The following SH3GL2 variants were observed in gnomAD, a reference collection of about 807,000 sequenced individuals.
SH3GL2 encodes the protein endophilin-A1.
SH3GL2 carries 24 observed loss-of-function variants against 46.0 expected under a neutral mutation model. That is an observed-to-expected ratio of 0.52 (90% CI 0.38 to 0.73). The LOEUF is 0.73. SH3GL2 is among the 30% of genes least tolerant of loss of function. The pLI, the probability that SH3GL2 is intolerant of heterozygous loss-of-function variation, is 0.00. For missense variants in SH3GL2, 413 were observed against 424.2 expected (o/e 0.97, Z 0.23); for synonymous variants, 196 against 147.1 (o/e 1.33, Z -2.40).
chr9:17,622,981 C>CTTTTG (rs1563786407), intron 1 of SH3GL2, among the ~76,000 whole-genome samples: 1 of 79,552 alleles, frequency 1.3e-5, no homozygotes, highest in Admixed American at 1.2e-4. Context: ...CTTTCGTTTC[C>CTTTTG]TTTCGTTTCC....
Position 17,653,816 on chromosome 9 carries a change from A to G in SH3GL2, c.45+74529A>G, listed in dbSNP as rs1043422166. 5.3e-6 allele frequency: 5 copies of G among 940,468 alleles called. No homozygotes were observed. In the African/African-American group the frequency reaches 8.9e-5, roughly 17 times the overall value. 58.3% of individuals were successfully genotyped at this position (940,468 alleles called of 1,614,324 possible). On this transcript the variant is annotated intron_variant, in intron 1 of 8. Transcript: ENST00000380607. Reference sequence around the variant, plus strand: ...TGGCTGAATTGGGCTAGTCTTATCAAAGAAGAAGACAGATACTGCCTTGGT... The same window carrying G: ...TGGCTGAATTGGGCTAGTCTTATCAGAGAAGAAGACAGATACTGCCTTGGT...
At chr9:17,662,306 T>C in intron 1 of SH3GL2, among the ~76,000 whole-genome samples, 1 of 152,188 alleles carries the variant, frequency 6.6e-6, no homozygotes, top group East Asian at 1.9e-4. Context: ...TCTGGCCTTG[T>C]GTGACCCAGA....
At chr9:17,718,633 T>C (rs1821819711) in intron 1 of SH3GL2, among the ~76,000 whole-genome samples, 4 of 152,062 alleles carry the variant, frequency 2.6e-5, no homozygotes, top group Non-Finnish European at 5.9e-5. Flanking sequence ...GGGGCTGAGA[T>C]GGAAGGATCA....
At chr9:17,743,522 C>T (rs1340312741) in intron 1 of SH3GL2, among the ~76,000 whole-genome samples, 1 of 151,346 alleles carries the variant, frequency 6.6e-6, no homozygotes, top group Non-Finnish European at 1.5e-5. Context: ...TTGAGGCACT[C>T]CTCCCTCCTT....
chr9:17,657,988 G>A (rs764076191), intron 1 of SH3GL2, among the ~76,000 whole-genome samples: 2 of 152,186 alleles, frequency 1.3e-5, no homozygotes, highest in Non-Finnish European at 2.9e-5. Context: ...TTGTTGGACA[G>A]TTGTTGTAGA....
At chr9:17,763,366 T>G (rs1248880204) in intron 3 of SH3GL2, among the ~76,000 whole-genome samples, 1 of 152,158 alleles carries the variant, frequency 6.6e-6, no homozygotes, top group Non-Finnish European at 1.5e-5. Flanking sequence ...ATGTAAGTAG[T>G]GATGTAGGAT....
chr9:17,645,311 T>G (rs1819788144), intron 1 of SH3GL2, among the ~76,000 whole-genome samples: 2 of 152,032 alleles, frequency 1.3e-5, no homozygotes, highest in Non-Finnish European at 2.9e-5. Flanking sequence ...CCGATGGGTC[T>G]TGAATCTTTA....
At chr9:17,734,816 TG>T (rs1466627226) in intron 1 of SH3GL2, among the ~76,000 whole-genome samples, 4 of 152,096 alleles carry the variant, frequency 2.6e-5, no homozygotes, top group Admixed American at 6.6e-5. Flanking sequence ...GGAAGGAGCC[TG>T]GGCAGTGAAG....
chr9:17,700,221 G>T (rs1821314406), intron 1 of SH3GL2, among the ~76,000 whole-genome samples: 1 of 152,140 alleles, frequency 6.6e-6, no homozygotes, highest in Non-Finnish European at 1.5e-5. Flanking sequence ...AATTGGTCAT[G>T]TTGACCCACT....
chr9:17,713,473 G>T (rs2118289889), intron 1 of SH3GL2, among the ~76,000 whole-genome samples: 1 of 150,872 alleles, frequency 6.6e-6, no homozygotes. Context: ...TTCCTTTTCA[G>T]TTTGTTAAGG....
intron 1 of SH3GL2, among the ~76,000 whole-genome samples, chr9:17,720,426 T>C (rs1357170153): frequency 1.3e-5 from 2 of 152,034 alleles, no homozygotes; most frequent in East Asian, 1.9e-4. Flanking sequence ...TTGAGGAAGA[T>C]TTATGAACAG....
chr9:17,791,457 G>C (rs1298450283), intron 7 of SH3GL2, 123 bp downstream of exon 7: 1 of 688,474 alleles, frequency 1.5e-6, no homozygotes, highest in Non-Finnish European at 2.6e-6. Context: ...TTATCCTACA[G>C]AGGCGCCTTG....
chr9:17,611,996 G>A (rs1490850300), intron 1 of SH3GL2, among the ~76,000 whole-genome samples: 3 of 152,200 alleles, frequency 2.0e-5, no homozygotes, highest in African/African-American at 7.2e-5. Flanking sequence ...ACTTTGTGAA[G>A]TCAGTAGCTA....
intron 3 of SH3GL2, among the ~76,000 whole-genome samples, chr9:17,765,675 G>C (rs113190330): frequency 2.0e-5 from 3 of 152,252 alleles, no homozygotes; most frequent in South Asian, 2.1e-4. Flanking sequence ...CGGGTCCAGC[G>C]TAAAGGTCAC....
Position 17,579,212 on chromosome 9 carries a change from C to T in SH3GL2, c.-31C>T, listed in dbSNP as rs1453974449. Reference sequence around the variant, plus strand: ...GTCCCCCTCCGCCTCCTCCCTCCCGCACAGCAGCCGCCAGCGCGGCCTCCT... The same window carrying T: ...GTCCCCCTCCGCCTCCTCCCTCCCGTACAGCAGCCGCCAGCGCGGCCTCCT... On this transcript the variant is annotated 5_prime_UTR_variant, in exon 1 of 9. Coordinates refer to ENST00000380607, the MANE Select transcript of SH3GL2 (RefSeq NM_003026.5). 6 of 1,524,120 alleles carry T rather than the reference C, an allele frequency of 3.9e-6. No homozygotes were observed. In the South Asian group the frequency reaches 4.8e-5, roughly 12 times the overall value. 94.4% of individuals were successfully genotyped at this position (1,524,120 alleles called of 1,614,324 possible). A position where few individuals can be genotyped will look rare whatever the true frequency, so the allele number is the denominator to read the frequency against.
rs373628313 is a variant in SH3GL2 at position 17,785,186 on chromosome 9, C to T, written c.188-1195C>T. 9.1e-4 allele frequency among the ~76,000 whole-genome samples: 138 copies of T among 152,306 alleles called. 1 individual carries two copies. The highest frequency in any genetic ancestry group is 2.5e-3 in the African/African-American group (106 of 41,574). Reference sequence around the variant, plus strand: ...GATACTTCCCTCCAGGAATCCTTTGCGATGCCCCTCCCCAACTGATGAGGA... The same window carrying T: ...GATACTTCCCTCCAGGAATCCTTTGTGATGCCCCTCCCCAACTGATGAGGA... On this transcript the variant is annotated intron_variant, in intron 3 of 8. Coordinates refer to ENST00000380607, the MANE Select transcript of SH3GL2 (RefSeq NM_003026.5).
intron 1 of SH3GL2, among the ~76,000 whole-genome samples, chr9:17,701,671 A>G (rs576311980): frequency 2.6e-5 from 4 of 152,200 alleles, no homozygotes; most frequent in African/African-American, 7.2e-5. Context: ...ACAGCCACCA[A>G]TTAGAAGATA....
intron 1 of SH3GL2, among the ~76,000 whole-genome samples, chr9:17,696,516 C>T (rs1055742867): frequency 3.3e-5 from 5 of 151,994 alleles, no homozygotes; most frequent in African/African-American, 1.2e-4. Flanking sequence ...GGGGAGGTCT[C>T]AGGAAACTTA....
chr9:17,669,580 A>C (rs1820423253), intron 1 of SH3GL2, among the ~76,000 whole-genome samples: 1 of 152,090 alleles, frequency 6.6e-6, no homozygotes, highest in Non-Finnish European at 1.5e-5. Context: ...TTTCTTGGAG[A>C]TTTACTCAAA....
Sources: gnomAD v4.1 joint callset for allele counts (sites outside exome capture counted in the v4.1 genomes callset) on GRCh38, gnomAD v4.1.1 for gene constraint, MANE v1.5 for transcripts, NCBI Gene and HGNC (gene_info 2026-07-23, HGNC 2026-07-21) for gene names.